IL1RAPL1: variants seen among roughly 807,000 people sequenced by gnomAD.
The protein encoded by IL1RAPL1 is interleukin 1 receptor accessory protein like 1.
A neutral mutation model predicts 48.4 loss-of-function variants in IL1RAPL1; 3 were observed. That is an observed-to-expected ratio of 0.06 (90% CI 0.03 to 0.16). The LOEUF is 0.16. Ranked by LOEUF, IL1RAPL1 falls within the 10% of genes least tolerant of loss-of-function variation. IL1RAPL1 has a pLI of 1.00. For synonymous variants in IL1RAPL1, 185 were observed against 187.7 expected (o/e 0.99, Z 0.12); for missense variants, 349 against 530.6 (o/e 0.66, Z 3.36).
At chrX:28,650,760 T>C (rs903956972) in intron 1 of IL1RAPL1, among the ~76,000 whole-genome samples, 1 of 111,853 alleles carries the variant, frequency 8.9e-6, no homozygotes, top group African/African-American at 3.3e-5. Context: ...ACCTGTGCAA[T>C]TTCACTTGAA....
chrX:28,908,512 T>C (rs1923278206), intron 2 of IL1RAPL1, among the ~76,000 whole-genome samples: 1 of 111,869 alleles, frequency 8.9e-6, no homozygotes, highest in African/African-American at 3.2e-5. Context: ...TGTCTTTCTG[T>C]TATTGATTTT....
chrX:28,851,156 C>T (rs932625569), intron 2 of IL1RAPL1, among the ~76,000 whole-genome samples: 3 of 106,691 alleles, frequency 2.8e-5, no homozygotes. Flanking sequence ...GACGTGACAC[C>T]CTGCTATTTA....
intron 8 of IL1RAPL1, among the ~76,000 whole-genome samples, chrX:29,927,857 A>G (rs1275619960): frequency 1.0e-5 from 1 of 97,483 alleles, no homozygotes; most frequent in African/African-American, 3.7e-5. Flanking sequence ...GAACTGCCAC[A>G]TATTATTGGT....
chrX:29,928,699 G>C (rs1006858337), intron 8 of IL1RAPL1, among the ~76,000 whole-genome samples: 1 of 111,873 alleles, frequency 8.9e-6, no homozygotes, highest in African/African-American at 3.2e-5. Flanking sequence ...TTTGGGAAGA[G>C]GGAGATAGCT....
intron 5 of IL1RAPL1, among the ~76,000 whole-genome samples, chrX:29,477,409 T>C (rs951395276): frequency 8.9e-6 from 1 of 112,163 alleles, no homozygotes; most frequent in Non-Finnish European, 1.9e-5. Flanking sequence ...AAGCGAATGC[T>C]ATTTGTGTCA....
chrX:28,787,248 G>A (rs920003228), intron 1 of IL1RAPL1, among the ~76,000 whole-genome samples: 2 of 112,193 alleles, frequency 1.8e-5, no homozygotes, highest in African/African-American at 6.5e-5. Context: ...GTCTTGCAGT[G>A]TATAGTTGGG....
rs186548420 is a variant in IL1RAPL1 at position 29,517,424 on chromosome X, T to C, written c.703+118116T>C. On this transcript the variant is annotated intron_variant, in intron 5 of 10. Transcript: ENST00000378993. The stretch of plus-strand genomic sequence containing the variant: ...CTAAACATGCATAAACTACCTTTTC[T>C]TTTAAAATACATTGCTGTAGTTAGC... 2.8e-3 allele frequency among the ~76,000 whole-genome samples: 313 copies of C among 111,248 alleles called. 1 individual carries two copies. The highest frequency in any genetic ancestry group is 9.7e-3 in the African/African-American group (297 of 30,688).
chrX:28,730,149 G>A (rs1270587235), intron 1 of IL1RAPL1, among the ~76,000 whole-genome samples: 1 of 111,467 alleles, frequency 9.0e-6, no homozygotes, highest in African/African-American at 3.3e-5. Flanking sequence ...GCTGAAGTTT[G>A]TATTGCTCTC....
intron 1 of IL1RAPL1, among the ~76,000 whole-genome samples, chrX:28,680,501 G>GT (rs1330215851): frequency 9.0e-6 from 1 of 111,039 alleles, no homozygotes; most frequent in Non-Finnish European, 1.9e-5. Flanking sequence ...GAAGAGAAGT[G>GT]GTAAGCATGG....
At chrX:29,461,753 C>A (rs1934805764) in intron 5 of IL1RAPL1, among the ~76,000 whole-genome samples, 1 of 111,854 alleles carries the variant, frequency 8.9e-6, no homozygotes, top group Admixed American at 9.5e-5. Flanking sequence ...GTGAAAGAAT[C>A]CAGACACAAA....
chrX:29,253,929 T>C (rs1054851730), intron 2 of IL1RAPL1, among the ~76,000 whole-genome samples: 3 of 111,733 alleles, frequency 2.7e-5, no homozygotes, highest in African/African-American at 9.7e-5. Context: ...CAATTGAATG[T>C]ATAATATTAA....
chrX:28,666,798 TAAC>T (rs1278875422), intron 1 of IL1RAPL1, among the ~76,000 whole-genome samples: 2 of 112,065 alleles, frequency 1.8e-5, no homozygotes, highest in African/African-American at 3.2e-5. Context: ...TATATAAACA[TAAC>T]AAATTGCTAA....
At chrX:29,139,784 A>T (rs1386346513) in intron 2 of IL1RAPL1, among the ~76,000 whole-genome samples, 10 of 111,514 alleles carry the variant, frequency 9.0e-5, no homozygotes, top group Non-Finnish European at 1.9e-4. Flanking sequence ...TAATTTGAAA[A>T]AATAATATAA....
intron 2 of IL1RAPL1, among the ~76,000 whole-genome samples, chrX:29,246,700 C>G (rs951658184): frequency 4.5e-5 from 5 of 111,231 alleles, no homozygotes; most frequent in African/African-American, 1.6e-4. Flanking sequence ...TGGGTTCTCT[C>G]TTCTATGTTG....
intron 5 of IL1RAPL1, among the ~76,000 whole-genome samples, chrX:29,410,211 C>A (rs1348407608): frequency 9.1e-6 from 1 of 109,906 alleles, no homozygotes; most frequent in African/African-American, 3.3e-5. Flanking sequence ...GTCTGTAATC[C>A]CAGGACTTTG....
chrX:29,119,260 ATATTC>A (rs1928734722), intron 2 of IL1RAPL1, among the ~76,000 whole-genome samples: 1 of 111,343 alleles, frequency 9.0e-6, no homozygotes, highest in African/African-American at 3.3e-5. Flanking sequence ...ATTTTATTCT[ATATTC>A]TATAATTCTC....
intron 2 of IL1RAPL1, among the ~76,000 whole-genome samples, chrX:28,965,417 T>G (rs1396860001): frequency 9.0e-6 from 1 of 111,494 alleles, no homozygotes; most frequent in Non-Finnish European, 1.9e-5. Flanking sequence ...ATTAAAGGTC[T>G]GAAAAAAATG....
At chrX:29,933,165 C>G (rs989099211) in intron 8 of IL1RAPL1, among the ~76,000 whole-genome samples, 11 of 110,762 alleles carry the variant, frequency 9.9e-5, no homozygotes, top group African/African-American at 3.0e-4. Flanking sequence ...AGGGGAACAT[C>G]ACACACCGGG....
chrX:28,830,073 A>T (rs1921009209), intron 2 of IL1RAPL1, among the ~76,000 whole-genome samples: 1 of 111,263 alleles, frequency 9.0e-6, no homozygotes, highest in Non-Finnish European at 1.9e-5. Context: ...ATTTATATTT[A>T]TTAGGGATAT....
Sources: allele counts gnomAD v4.1 joint callset (sites outside exome capture counted in the v4.1 genomes callset), GRCh38; gene constraint gnomAD v4.1.1; transcripts MANE v1.5; gene names NCBI Gene and HGNC (gene_info 2026-07-23, HGNC 2026-07-21).